ACSL4: variants seen among roughly 807,000 people sequenced by gnomAD.
The protein encoded by ACSL4 is long-chain-fatty-acid--CoA ligase 4.
Under a neutral mutation model 49.1 loss-of-function variants are expected in ACSL4, and 9 were observed. The observed-to-expected ratio is 0.18, with a 90% CI of 0.11 to 0.32. The LOEUF is 0.32. ACSL4 is among the 10% of genes least tolerant of loss of function. The pLI, the probability that ACSL4 is intolerant of heterozygous loss-of-function variation, is 1.00. For synonymous variants in ACSL4, 191 were observed against 170.3 expected (o/e 1.12, Z -0.95); for missense variants, 333 against 493.7 (o/e 0.67, Z 3.08).
chrX:109,727,657 TTGTGTGTGTGTGTGTGTGTGTGTGTG>T lies in ACSL4; in HGVS notation c.-66+5456_-66+5481del, dbSNP rs35186119. 6.3e-3 allele frequency among the ~76,000 whole-genome samples: 555 copies of T among 88,401 alleles called. 2 individuals are homozygous for T. Among genetic ancestry groups the T allele is most frequent in the Non-Finnish European group, 8.9e-3 (416 of 46,689 alleles). 76.8% of individuals were successfully genotyped at this position (88,401 alleles called of 115,157 possible). A position where few individuals can be genotyped will look rare whatever the true frequency, so the allele number is the denominator to read the frequency against. ...TAAAAAGTCAGGGTAGTTTGTTAAA[TTGTGTGTGTGTGTGTGTGTGTGTGTG>T]TGTGTGTGTGTGTGTGTGTGTGTGT... On this transcript the variant is annotated intron_variant, in intron 1 of 15. Transcript: ENST00000672401.
At chrX:109,718,598 T>G (rs1261979499) in intron 1 of ACSL4, among the ~76,000 whole-genome samples, 1 of 111,022 alleles carries the variant, frequency 9.0e-6, no homozygotes, top group East Asian at 2.8e-4. Context: ...CTACAAAAAA[T>G]ACAAAAATTA....
At chrX:109,650,169 A>T (rs1308916706) in intron 15 of ACSL4, among the ~76,000 whole-genome samples, 1 of 111,636 alleles carries the variant, frequency 9.0e-6, no homozygotes, top group African/African-American at 3.3e-5. Flanking sequence ...CAGCCATCCC[A>T]TTACTGGGTA....
At chrX:109,699,254 C>G (rs777005375) in intron 1 of ACSL4, among the ~76,000 whole-genome samples, 1 of 111,778 alleles carries the variant, frequency 8.9e-6, no homozygotes, top group Non-Finnish European at 1.9e-5. Flanking sequence ...ATTAACCCAG[C>G]TACGGGGGAG....
chrX:109,697,930 TA>T (rs1925583911), intron 1 of ACSL4, among the ~76,000 whole-genome samples: 1 of 109,673 alleles, frequency 9.1e-6, no homozygotes, highest in Non-Finnish European at 1.9e-5. Flanking sequence ...GGGAGAGGGA[TA>T]GGGGAAAATA....
intron 10 of ACSL4, 139 bp downstream of exon 10, chrX:109,668,895 A>G: frequency 2.0e-6 from 1 of 489,493 alleles, no homozygotes; most frequent in Non-Finnish European, 3.3e-6. Flanking sequence ...AAGACTTAGA[A>G]TAAAAGAGAA....
chrX:109,704,940 T>TCTCA (rs764246877), intron 1 of ACSL4, among the ~76,000 whole-genome samples: 1 of 106,777 alleles, frequency 9.4e-6, no homozygotes, highest in Non-Finnish European at 1.9e-5. Context: ...TCTCTCTCTC[T>TCTCA]CACACACACA....
intron 1 of ACSL4, among the ~76,000 whole-genome samples, chrX:109,697,968 T>C (rs1925586632): frequency 9.0e-6 from 1 of 110,919 alleles, no homozygotes; most frequent in African/African-American, 3.3e-5. Context: ...TTTGCTTAAT[T>C]TGGAAAATAA....
At chrX:109,731,133 T>G (rs1326961318) in intron 1 of ACSL4, among the ~76,000 whole-genome samples, 1 of 111,721 alleles carries the variant, frequency 9.0e-6, no homozygotes, top group Admixed American at 9.6e-5. Context: ...AAGAACTAAG[T>G]ATACCTAAAT....
At chrX:109,666,950 A>G (rs1922699985) in intron 11 of ACSL4, among the ~76,000 whole-genome samples, 1 of 111,824 alleles carries the variant, frequency 8.9e-6, no homozygotes, top group Non-Finnish European at 1.9e-5. Flanking sequence ...AGCAGAATGG[A>G]GCAATAAAAA....
At chrX:109,714,026 A>C (rs984841346) in intron 1 of ACSL4, among the ~76,000 whole-genome samples, 1 of 111,778 alleles carries the variant, frequency 8.9e-6, no homozygotes, top group African/African-American at 3.3e-5. Context: ...AGAAGAAGAC[A>C]CTCTTATAGG....
intron 2 of ACSL4, among the ~76,000 whole-genome samples, chrX:109,688,873 T>C (rs1356053557): frequency 9.1e-6 from 1 of 109,320 alleles, no homozygotes; most frequent in East Asian, 2.8e-4. Context: ...CTAAATGGTA[T>C]GGGGCTTGGT....
At chrX:109,688,327 CCT>C (rs1456450151) in intron 2 of ACSL4, among the ~76,000 whole-genome samples, 3 of 111,486 alleles carry the variant, frequency 2.7e-5, no homozygotes, top group African/African-American at 9.8e-5. Flanking sequence ...TGCATTACAC[CCT>C]GTCTTTATAA....
At chrX:109,707,279 G>A (rs1926421955) in intron 1 of ACSL4, among the ~76,000 whole-genome samples, 2 of 111,161 alleles carry the variant, frequency 1.8e-5, no homozygotes, top group Admixed American at 1.9e-4. Context: ...ATGCACTGGG[G>A]GTCCATAAAA....
At chrX:109,664,318 T>C (rs1922450966) in intron 12 of ACSL4, among the ~76,000 whole-genome samples, 1 of 111,672 alleles carries the variant, frequency 9.0e-6, no homozygotes, top group Non-Finnish European at 1.9e-5. Flanking sequence ...ATAGTAAAAC[T>C]TGGTAAGGAG....
chrX:109,716,558 C>T (rs1927134057), intron 1 of ACSL4, among the ~76,000 whole-genome samples: 1 of 112,344 alleles, frequency 8.9e-6, no homozygotes, highest in African/African-American at 3.2e-5. Flanking sequence ...CTGTTACAAA[C>T]AACACTGCTG....
intron 1 of ACSL4, among the ~76,000 whole-genome samples, chrX:109,697,879 T>G (rs1442816915): frequency 1.8e-5 from 2 of 110,630 alleles, no homozygotes; most frequent in African/African-American, 6.6e-5. Flanking sequence ...AAACCCATCC[T>G]TCTATAAAAT....
At chrX:109,659,808 G>C (rs1259411331) in intron 14 of ACSL4, among the ~76,000 whole-genome samples, 1 of 110,734 alleles carries the variant, frequency 9.0e-6, no homozygotes, top group Non-Finnish European at 1.9e-5. Context: ...AGGAAAACTG[G>C]ATATCCACAT....
At chrX:109,727,946 C>A (rs1438074981) in intron 1 of ACSL4, among the ~76,000 whole-genome samples, 1 of 111,994 alleles carries the variant, frequency 8.9e-6, no homozygotes, top group Non-Finnish European at 1.9e-5. Flanking sequence ...CCAGCCCCTG[C>A]CTTATACCAA....
In ACSL4 at chrX:109,663,738, A is replaced by G. The variant is rs5985399; in HGVS notation, c.1391-336T>C. On this transcript the variant is annotated intron_variant, in intron 12 of 15. Coordinates refer to ENST00000672401, the MANE Select transcript of ACSL4 (RefSeq NM_001318510.2). ...AGGAAGAGTAACACTTGAAGCTGTT[A>G]TAAGTAAATTACTGACATACTGATA... 5.9e-3 allele frequency among the ~76,000 whole-genome samples: 658 copies of G among 111,574 alleles called. 2 individuals are homozygous for G. Among genetic ancestry groups the G allele is most frequent in the African/African-American group, 0.021 (634 of 30,808 alleles).
Sources: gnomAD v4.1 joint callset for allele counts (sites outside exome capture counted in the v4.1 genomes callset) on GRCh38, gnomAD v4.1.1 for gene constraint, MANE v1.5 for transcripts, NCBI Gene and HGNC (gene_info 2026-07-23, HGNC 2026-07-21) for gene names.